Variants in HOXC4 observed in about 807,000 individuals in gnomAD.
The protein encoded by HOXC4 is homeobox C4, also known as homeobox protein Hox-C4.
In HOXC4, 15 loss-of-function variants were observed where a neutral mutation model predicts 25.5. The observed-to-expected ratio is 0.59, with a 90% confidence interval of 0.39 to 0.91. HOXC4 has a LOEUF of 0.91. HOXC4 is among the 40% of genes least tolerant of loss of function. The probability of loss-of-function intolerance (pLI) is 0.00; values close to 1 mark genes in which losing one functional copy is unlikely to be tolerated. For synonymous variants in HOXC4, 165 were observed against 148.0 expected, an observed-to-expected ratio of 1.11 and a Z score of -0.83; for missense variants, 342 against 352.4, an observed-to-expected ratio of 0.97 and a Z score of 0.24.
chr12:54,045,647 G>C (rs1937684577), intron 1 of HOXC4, among the ~76,000 whole-genome samples: 1 of 152,066 alleles, frequency 6.6e-6, no homozygotes, highest in African/African-American at 2.4e-5. Context: ...CTGTGTATAG[G>C]GGCATAGATC....
upstream of HOXC4, among the ~76,000 whole-genome samples, chr12:54,049,432 G>C (rs1453059834): frequency 6.6e-6 from 1 of 152,096 alleles, no homozygotes; most frequent in Non-Finnish European, 1.5e-5. Context: ...TCCAAGGAAG[G>C]CAAGGCAAGG....
chr12:54,032,430 A>G (rs1338191733), intron 1 of HOXC4, among the ~76,000 whole-genome samples: 1 of 152,204 alleles, frequency 6.6e-6, no homozygotes, highest in African/African-American at 2.4e-5. Context: ...AGGGACTTCT[A>G]CCTTTGGTTT....
chr12:54,054,820 C>T (rs770608452), intron 1 of HOXC4, 30 bp from the exon 2 acceptor site: 7 of 1,497,676 alleles, frequency 4.7e-6, no homozygotes, highest in Non-Finnish European at 6.5e-6. Context: ...TGCCTCTGAA[C>T]CCCACTATTT....
chr12:54,028,551 A>G, intron 1 of HOXC4: 3 of 1,614,150 alleles, frequency 1.9e-6, no homozygotes, highest in Non-Finnish European at 2.5e-6. Flanking sequence ...ACCCTTCCTT[A>G]TCCTGCCACC....
intron 1 of HOXC4, chr12:54,034,450 G>A (rs771739274): frequency 6.8e-6 from 11 of 1,614,160 alleles, no homozygotes; most frequent in Non-Finnish European, 8.5e-6. Flanking sequence ...GCAGGATGAA[G>A]TGGAAGAAAG....
At chr12:54,039,303 C>G (rs1292786885) in intron 1 of HOXC4, among the ~76,000 whole-genome samples, 3 of 152,080 alleles carry the variant, frequency 2.0e-5, no homozygotes, top group Non-Finnish European at 4.4e-5. Flanking sequence ...GCCTCGCCCC[C>G]GCTGCTCAAG....
Position 54,055,285 on chromosome 12 carries a change from A to AATATATAT in HOXC4, c.*100_*107dup, listed in dbSNP as rs60894549. On this transcript the variant is annotated 3_prime_UTR_variant, in exon 2 of 2. Transcript: ENST00000430889. ...AAATTGACTCTTATTTATAGAATTT[A>AATATATAT]ATATATATATATATATATATATATA... The AATATATAT allele has an allele frequency of 3.2e-4, 74 of 228,086 alleles. 1 individual carries two copies. Among genetic ancestry groups the AATATATAT allele is most frequent in the Middle Eastern group, 1.5e-3 (1 of 680 alleles). The allele number at this position is 228,086 out of a possible 1,614,324, so 14.1% of individuals were successfully genotyped here.
At chr12:54,039,171 G>A (rs944134816) in intron 1 of HOXC4, among the ~76,000 whole-genome samples, 1 of 152,202 alleles carries the variant, frequency 6.6e-6, no homozygotes, top group African/African-American at 2.4e-5. Flanking sequence ...AAAGGGGTGG[G>A]GAGCAGAGGG....
rs1419244376 is a variant in HOXC4, at chr12:54,033,397, C to T, written c.-124+15983C>T. 7 of 1,611,996 alleles carry T rather than the reference C, an allele frequency of 4.3e-6. No homozygotes were observed. In the African/African-American group the frequency reaches 5.3e-5, roughly 12 times the overall value. On this transcript the variant is annotated intron_variant, in intron 1 of 3. Transcript: ENST00000303406. ...CACGCTCCGGGCAGAGACGAAGCGG[C>T]TCCTCTGAACCCCGGGATGTACAGT...
intron 1 of HOXC4, chr12:54,028,969 T>A: frequency 6.5e-7 from 1 of 1,529,918 alleles, no homozygotes; most frequent in South Asian, 1.2e-5. Flanking sequence ...TGAACTGGCT[T>A]TATGACCGGC....
chr12:54,027,747 G>A (rs530613342), intron 1 of HOXC4, among the ~76,000 whole-genome samples: 36 of 152,170 alleles, frequency 2.4e-4, no homozygotes, highest in Non-Finnish European at 4.7e-4. Flanking sequence ...GAGAGCAGAT[G>A]CGTGGCCCAT....
intron 1 of HOXC4, among the ~76,000 whole-genome samples, chr12:54,044,725 T>TTGTTTG (rs1555186636): frequency 6.8e-6 from 1 of 146,938 alleles, no homozygotes; most frequent in East Asian, 2.0e-4. Context: ...GTGTGTGTGT[T>TTGTTTG]TGTGTGTGTG....
intron 1 of HOXC4, chr12:54,028,555 T>C: frequency 6.2e-7 from 1 of 1,614,164 alleles, no homozygotes; most frequent in African/African-American, 1.3e-5. Context: ...TTCCTTATCC[T>C]GCCACCTCGC....
intron 1 of HOXC4, among the ~76,000 whole-genome samples, chr12:54,041,714 T>C (rs1338599321): frequency 1.3e-5 from 2 of 152,240 alleles, no homozygotes; most frequent in Admixed American, 1.3e-4. Flanking sequence ...TTCACTCTTG[T>C]CGCCCCGGCT....
chr12:54,046,266 C>T (rs1416229249), intron 1 of HOXC4, among the ~76,000 whole-genome samples: 1 of 152,170 alleles, frequency 6.6e-6, no homozygotes, highest in Non-Finnish European at 1.5e-5. Flanking sequence ...ATATCATTTC[C>T]AAGATTTTTT....
Position 54,029,509 on chromosome 12 carries a change from G to A in HOXC4, c.-124+12095G>A, listed in dbSNP as rs142908535. 226 of 776,488 alleles carry A rather than the reference G, an allele frequency of 2.9e-4. 1 individual carries two copies. The East Asian group carries it at 5.5e-3, about 19-fold the overall frequency. 48.1% of individuals were successfully genotyped at this position (776,488 alleles called of 1,614,324 possible). A position where few individuals can be genotyped will look rare whatever the true frequency, so the allele number is the denominator to read the frequency against. On this transcript the variant is annotated intron_variant, in intron 1 of 3. Transcript: ENST00000303406. ...CTCGCTGTACCCCCAGTGGGGGTGG[G>A]GCAAGGCAAAAGGGAGAAGGCTAGA...
intron 1 of HOXC4, chr12:54,029,853 C>A (rs747214600): frequency 6.2e-7 from 1 of 1,614,016 alleles, no homozygotes; most frequent in Admixed American, 1.7e-5. Flanking sequence ...AAAAAAGAAT[C>A]TAATCTCACA....
chr12:54,050,445 G>A (rs1301278984), upstream of HOXC4, among the ~76,000 whole-genome samples: 4 of 152,170 alleles, frequency 2.6e-5, no homozygotes, highest in South Asian at 2.1e-4. Context: ...ACAGGGCAGA[G>A]GTGCAGCCCC....
intron 1 of HOXC4, chr12:54,033,108 T>G (rs567852522): frequency 2.1e-5 from 34 of 1,591,128 alleles, no homozygotes; most frequent in Middle Eastern, 1.7e-4. Context: ...GAAATTTTTT[T>G]GGGCCCTCCC....
Sources: gnomAD v4.1 joint callset for allele counts (sites outside exome capture counted in the v4.1 genomes callset) on GRCh38, gnomAD v4.1.1 for gene constraint, MANE v1.5 for transcripts, NCBI Gene and HGNC (gene_info 2026-07-23, HGNC 2026-07-21) for gene names.